LYRM4: variants seen among roughly 807,000 people sequenced by gnomAD.
The protein encoded by LYRM4 is LYR motif containing 4.
LYRM4 carries 9 observed loss-of-function variants against 11.7 expected under a neutral mutation model. That is an observed-to-expected ratio of 0.77 (90% CI 0.46 to 1.34). The LOEUF is 1.34. Among genes scored for constraint, LYRM4 ranks in the 40% most tolerant of loss-of-function variants. The pLI, the probability that LYRM4 is intolerant of heterozygous loss-of-function variation, is 0.00. For missense variants in LYRM4, 133 were observed against 112.5 expected, an observed-to-expected ratio of 1.18 and a Z score of -0.82; for synonymous variants, 42 against 40.4, an observed-to-expected ratio of 1.04 and a Z score of -0.15.
chr6:5,048,607 G>C, the LYRM4 span, among the ~76,000 whole-genome samples: 1 of 152,112 alleles, frequency 6.6e-6, no homozygotes, highest in Admixed American at 6.5e-5. Flanking sequence ...CAAAGAGCTG[G>C]GATTACAGGT....
the LYRM4 span, among the ~76,000 whole-genome samples, chr6:5,061,576 G>A: frequency 2.6e-5 from 4 of 152,314 alleles, no homozygotes; most frequent in African/African-American, 9.6e-5. Flanking sequence ...AATAGCAAAC[G>A]CTGAAGGTGG....
downstream of LYRM4, chr6:5,103,537 G>C (rs1762565076): frequency 6.6e-6 from 1 of 152,070 alleles, no homozygotes; most frequent in Non-Finnish European, 1.5e-5. Context: ...GCAGGTCCTT[G>C]GGGACAGGGA....
chr6:5,217,830 C>G (rs1272437738), intron 1 of LYRM4, among the ~76,000 whole-genome samples: 2 of 152,190 alleles, frequency 1.3e-5, no homozygotes, highest in Non-Finnish European at 2.9e-5. Flanking sequence ...CTATCTCTAG[C>G]TCTACCCCAA....
intron 2 of LYRM4, among the ~76,000 whole-genome samples, chr6:5,134,954 A>ACTGTGGAGGGTGCGGATCGCTCCCGGGG (rs1561819225): frequency 1.8e-4 from 8 of 43,680 alleles, no homozygotes; most frequent in Admixed American, 4.6e-4. Flanking sequence ...CACTCCCGGG[A>ACTGTGGAGGGTGCGGATCGCTCCCGGGG]CTGTGGAGGG....
At chr6:5,229,838 T>C (rs914708976) in intron 1 of LYRM4, among the ~76,000 whole-genome samples, 1 of 152,250 alleles carries the variant, frequency 6.6e-6, no homozygotes, top group Non-Finnish European at 1.5e-5. Flanking sequence ...CACCATTCTA[T>C]AGCAGATGCT....
chr6:5,242,798 G>T (rs9405811), intron 1 of LYRM4, among the ~76,000 whole-genome samples: 1 of 138,850 alleles, frequency 7.2e-6, no homozygotes, highest in Non-Finnish European at 1.5e-5. Flanking sequence ...ACGGAGTCTC[G>T]CTCTGTCGCC....
At chr6:5,213,036 G>T (rs1208070373) in intron 2 of LYRM4, among the ~76,000 whole-genome samples, 1 of 152,182 alleles carries the variant, frequency 6.6e-6, no homozygotes, top group African/African-American at 2.4e-5. Context: ...GGACATAAAG[G>T]AAGAATGAAT....
At chr6:5,049,476 G>A in the LYRM4 span, among the ~76,000 whole-genome samples, 2 of 152,332 alleles carry the variant, frequency 1.3e-5, no homozygotes, top group South Asian at 4.1e-4. Flanking sequence ...CACAGTACTA[G>A]TTGAGGTCAT....
rs1177305890 is a variant in LYRM4, at chr6:5,167,676, A to C, written c.207+48942T>G. On this transcript the variant is annotated intron_variant, in intron 2 of 2. Transcript: ENST00000330636. Reference sequence around the variant, plus strand: ...AGAAGGAGGCATTTCACACACAAACAATGCTGAGCTCGATGTTTCTTAATG... The same window carrying C: ...AGAAGGAGGCATTTCACACACAAACCATGCTGAGCTCGATGTTTCTTAATG... Among the ~76,000 whole-genome samples the C allele has an allele frequency of 3.3e-5, 5 of 152,088 alleles. No individual in the cohort carries two copies. In the East Asian group the frequency reaches 9.6e-4, roughly 29 times the overall value.
At chr6:5,209,509 A>G (rs1453838252) in intron 2 of LYRM4, among the ~76,000 whole-genome samples, 2 of 152,206 alleles carry the variant, frequency 1.3e-5, no homozygotes, top group Non-Finnish European at 2.9e-5. Flanking sequence ...GGTATAGGGG[A>G]AAGTGCTGCT....
At chr6:5,178,804 CAAAAAAAA>C (rs56880549) in intron 2 of LYRM4, among the ~76,000 whole-genome samples, 2 of 30,022 alleles carry the variant, frequency 6.7e-5, no homozygotes, top group African/African-American at 9.8e-5. Context: ...GACTCTGTCT[CAAAAAAAA>C]AAAAAAAAAA....
At chr6:5,154,586 G>A (rs1758281608) in intron 2 of LYRM4, among the ~76,000 whole-genome samples, 1 of 152,140 alleles carries the variant, frequency 6.6e-6, no homozygotes, top group African/African-American at 2.4e-5. Flanking sequence ...GGAGGCCAAG[G>A]TGGGCAGATC....
the LYRM4 span, among the ~76,000 whole-genome samples, chr6:5,097,822 C>CAT: frequency 6.6e-6 from 1 of 152,216 alleles, no homozygotes; most frequent in African/African-American, 2.4e-5. Context: ...TAAGCATGCA[C>CAT]ATTGTTACGA....
intron 2 of LYRM4, among the ~76,000 whole-genome samples, chr6:5,111,661 C>T (rs1440879789): frequency 1.3e-5 from 2 of 152,172 alleles, no homozygotes; most frequent in Non-Finnish European, 2.9e-5. Flanking sequence ...ATGACAGCCG[C>T]GTGGTCTCTG....
the LYRM4 span, among the ~76,000 whole-genome samples, chr6:5,073,378 TA>T: frequency 6.6e-6 from 1 of 151,340 alleles, no homozygotes; most frequent in Non-Finnish European, 1.5e-5. Context: ...AAAATATATA[TA>T]TTTTTTATAT....
downstream of LYRM4, chr6:5,104,703 C>G (rs1172459367): frequency 2.0e-5 from 3 of 152,138 alleles, no homozygotes; most frequent in Non-Finnish European, 2.9e-5. Flanking sequence ...TGAGGTTGTT[C>G]GAAGTCAGCA....
the LYRM4 span, among the ~76,000 whole-genome samples, chr6:5,050,365 C>T: frequency 2.6e-5 from 4 of 152,220 alleles, no homozygotes; most frequent in Admixed American, 2.0e-4. Context: ...TAATGGGGAT[C>T]TTTGCTGTGA....
downstream of LYRM4, chr6:5,105,901 C>G (rs1035868906): frequency 6.6e-6 from 1 of 152,444 alleles, no homozygotes; most frequent in Admixed American, 6.5e-5. Context: ...GCTCCAAGGC[C>G]GTCCACGATG....
intron 2 of LYRM4, among the ~76,000 whole-genome samples, chr6:5,112,782 C>G (rs1011239924): frequency 6.6e-6 from 1 of 152,182 alleles, no homozygotes; most frequent in African/African-American, 2.4e-5. Flanking sequence ...TCAGAGGAGA[C>G]AGCCTCAAGG....
Sources: gnomAD v4.1 joint callset for allele counts (sites outside exome capture counted in the v4.1 genomes callset) on GRCh38, gnomAD v4.1.1 for gene constraint, MANE v1.5 for transcripts, NCBI Gene and HGNC (gene_info 2026-07-23, HGNC 2026-07-21) for gene names.